The following SUPT3H variants were observed in gnomAD, a reference collection of about 807,000 sequenced individuals.
The protein encoded by SUPT3H is SPT3 homolog, SAGA and STAGA complex component.
Under a neutral mutation model 44.3 loss-of-function variants are expected in SUPT3H, and 44 were observed. That is an observed-to-expected ratio of 0.99 (90% confidence interval 0.78 to 1.28). The LOEUF (loss-of-function observed/expected upper bound fraction) is 1.28, where lower values mean the gene tolerates loss of function less well. SUPT3H is among the 50% of genes most tolerant of loss of function. The pLI is 0.00. For synonymous variants in SUPT3H, 124 were observed against 125.6 expected (o/e 0.99, Z 0.09); for missense variants, 380 against 387.1 (o/e 0.98, Z 0.15).
chr6:45,222,841 C>T (rs1766287438), intron 2 of SUPT3H, among the ~76,000 whole-genome samples: 1 of 152,072 alleles, frequency 6.6e-6, no homozygotes, highest in Non-Finnish European at 1.5e-5. Context: ...ACATCCACAC[C>T]ATGGAATACT....
At chr6:44,839,087 C>T (rs1415155468) in intron 10 of SUPT3H, among the ~76,000 whole-genome samples, 1 of 151,946 alleles carries the variant, frequency 6.6e-6, no homozygotes, top group East Asian at 1.9e-4. Flanking sequence ...TGGAGCCATC[C>T]CAAGTCAGAT....
intron 10 of SUPT3H, among the ~76,000 whole-genome samples, chr6:44,832,925 G>GT (rs1196366828): frequency 5.9e-5 from 9 of 152,006 alleles, no homozygotes; most frequent in African/African-American, 1.7e-4. Flanking sequence ...GTTTACTTCT[G>GT]TTTTTTATGG....
At chr6:45,258,568 T>C (rs578023988) in intron 2 of SUPT3H, among the ~76,000 whole-genome samples, 20 of 152,318 alleles carry the variant, frequency 1.3e-4, no homozygotes, top group Non-Finnish European at 2.5e-4. Flanking sequence ...TCAGCTTCCA[T>C]TGCGCTAGTG....
chr6:44,865,739 G>C (rs1775395396), intron 10 of SUPT3H, among the ~76,000 whole-genome samples: 1 of 152,192 alleles, frequency 6.6e-6, no homozygotes, highest in African/African-American at 2.4e-5. Context: ...GATAAGATTT[G>C]AGTGGGGAAA....
chr6:44,812,395 A>G (rs1279570392), intron 11 of SUPT3H, among the ~76,000 whole-genome samples: 2 of 152,166 alleles, frequency 1.3e-5, no homozygotes, highest in Non-Finnish European at 2.9e-5. Context: ...CTCTGTCTTC[A>G]AAGCTAGAAC....
intron 3 of SUPT3H, among the ~76,000 whole-genome samples, chr6:45,040,956 A>T (rs952808246): frequency 6.6e-6 from 1 of 152,162 alleles, no homozygotes; most frequent in Admixed American, 6.5e-5. Context: ...TTAGCAAACA[A>T]ATCTCACCAG....
At chr6:44,919,340 T>G (rs1451369057) in intron 10 of SUPT3H, among the ~76,000 whole-genome samples, 1 of 152,166 alleles carries the variant, frequency 6.6e-6, no homozygotes. Flanking sequence ...CTTCTAAGAA[T>G]GCATGACCAA....
chr6:45,231,419 C>T (rs1768025752), intron 2 of SUPT3H, among the ~76,000 whole-genome samples: 2 of 152,140 alleles, frequency 1.3e-5, no homozygotes, highest in Non-Finnish European at 2.9e-5. Flanking sequence ...ATATATCCTC[C>T]CATTCTCTGC....
intron 2 of SUPT3H, among the ~76,000 whole-genome samples, chr6:45,213,303 CAT>C (rs1764441235): frequency 1.3e-5 from 2 of 151,978 alleles, no homozygotes; most frequent in African/African-American, 4.8e-5. Flanking sequence ...ATATAACAAA[CAT>C]GTATTTTTTA....
chr6:45,158,298 A>ATATATATATATATATTTTTTTTTTT, intron 2 of SUPT3H, among the ~76,000 whole-genome samples: 1 of 99,694 alleles, frequency 1.0e-5, no homozygotes, highest in African/African-American at 5.0e-5. Flanking sequence ...ATATATATAT[A>ATATATATATATATATTTTTTTTTTT]TTTTTTTTTT....
intron 2 of SUPT3H, among the ~76,000 whole-genome samples, chr6:45,308,979 G>GA (rs538228833): frequency 3.7e-4 from 39 of 104,320 alleles, no homozygotes; most frequent in African/African-American, 6.0e-4. Context: ...TAAATATTTG[G>GA]AAAAAAAAAA....
At chr6:45,044,765 T>G (rs1487417536) in intron 3 of SUPT3H, among the ~76,000 whole-genome samples, 1 of 152,136 alleles carries the variant, frequency 6.6e-6, no homozygotes, top group African/African-American at 2.4e-5. Flanking sequence ...ACTCAAAGTG[T>G]TATCTTAGAT....
At chr6:44,866,040 A>G (rs544967491) in intron 10 of SUPT3H, among the ~76,000 whole-genome samples, 4 of 151,956 alleles carry the variant, frequency 2.6e-5, no homozygotes, top group African/African-American at 4.8e-5. Context: ...TCTAAGAGAG[A>G]TAACAGGAAT....
intron 10 of SUPT3H, among the ~76,000 whole-genome samples, chr6:44,885,110 A>G (rs1056907779): frequency 2.6e-5 from 4 of 152,344 alleles, no homozygotes; most frequent in East Asian, 3.9e-4. Flanking sequence ...CAAAGCAGCC[A>G]GGAAGCTCGA....
At chr6:44,956,071 G>C (rs571524533) in intron 7 of SUPT3H, among the ~76,000 whole-genome samples, 1 of 151,342 alleles carries the variant, frequency 6.6e-6, no homozygotes, top group Non-Finnish European at 1.5e-5. Flanking sequence ...ACAGTGAGCC[G>C]AGATGGAGCC....
chr6:45,240,759 C>T (rs1232597329), intron 2 of SUPT3H, among the ~76,000 whole-genome samples: 1 of 152,074 alleles, frequency 6.6e-6, no homozygotes, highest in Non-Finnish European at 1.5e-5. Flanking sequence ...CGGCAAGTTC[C>T]TATTATTTGG....
intron 2 of SUPT3H, among the ~76,000 whole-genome samples, chr6:45,175,072 C>T (rs1047844147): frequency 1.4e-5 from 2 of 145,192 alleles, no homozygotes; most frequent in South Asian, 4.4e-4. Context: ...TCCTTGTCCA[C>T]ATTTTTGCTG....
intron 7 of SUPT3H, among the ~76,000 whole-genome samples, chr6:44,957,961 A>C (rs1237926149): frequency 3.3e-5 from 5 of 152,108 alleles, no homozygotes; most frequent in African/African-American, 1.2e-4. Flanking sequence ...CACCCTTCCA[A>C]GGTATTGTTG....
chr6:45,170,623 T>C (rs575611026), intron 2 of SUPT3H, among the ~76,000 whole-genome samples: 1 of 152,208 alleles, frequency 6.6e-6, no homozygotes, highest in South Asian at 2.1e-4. Flanking sequence ...CTACCAAGGG[T>C]GTTTAGGTTC....
Sources: gnomAD v4.1 joint callset for allele counts (sites outside exome capture counted in the v4.1 genomes callset) on GRCh38, gnomAD v4.1.1 for gene constraint, MANE v1.5 for transcripts, NCBI Gene and HGNC (gene_info 2026-07-23, HGNC 2026-07-21) for gene names.